Variants in PSD3 observed in about 807,000 individuals in gnomAD.
The protein encoded by PSD3 is PH and SEC7 domain-containing protein 3.
In PSD3, 49 loss-of-function variants were observed where a neutral mutation model predicts 105.5. That is an observed-to-expected ratio of 0.46 (90% CI 0.37 to 0.59). PSD3 has a LOEUF of 0.59. Among genes scored for constraint, PSD3 ranks in the 20% least tolerant of loss-of-function variants. The pLI, the probability that PSD3 is intolerant of heterozygous loss-of-function variation, is 0.00. For missense variants in PSD3, 1,561 were observed against 1,263.8 expected, an observed-to-expected ratio of 1.24 and a Z score of -3.57; for synonymous variants, 557 against 457.8, an observed-to-expected ratio of 1.22 and a Z score of -2.77.
intron 1 of PSD3, among the ~76,000 whole-genome samples, chr8:19,079,433 C>A (rs896096204): frequency 6.6e-6 from 1 of 152,122 alleles, no homozygotes; most frequent in African/African-American, 2.4e-5. Context: ...GTTCTAGTTT[C>A]TTTTATAAAA....
chr8:18,575,308 T>A (rs1446752414), intron 12 of PSD3, 23 bp from the exon 13 acceptor site: 2 of 1,525,930 alleles, frequency 1.3e-6, no homozygotes, highest in Admixed American at 2.2e-5. Flanking sequence ...ACAAAGAAAA[T>A]AAAGGCAAAA....
At chr8:18,661,309 C>T (rs1585537562) in intron 9 of PSD3, among the ~76,000 whole-genome samples, 1 of 152,144 alleles carries the variant, frequency 6.6e-6, no homozygotes, top group African/African-American at 2.4e-5. Context: ...TACCACAATT[C>T]TCTCTTTCAA....
In PSD3 at chr8:18,575,289, T is replaced by A. The variant is rs375957000; in HGVS notation, c.2482-4A>T. 3 of 1,561,990 alleles carry A rather than the reference T, an allele frequency of 1.9e-6. No homozygotes were observed. The South Asian group carries it at 3.7e-5, about 19-fold the overall frequency. On this transcript the variant is annotated splice_region_variant and splice_polypyrimidine_tract_variant and intron_variant, in intron 12 of 15. Transcript: ENST00000327040. The stretch of plus-strand genomic sequence containing the variant: ...CCTTTTCTGGCTTGTATTCATCCTA[T>A]AGATGGACACAAAGAAAATAAAGGC...
At chr8:18,960,238 A>AT (rs1162616847) in intron 1 of PSD3, among the ~76,000 whole-genome samples, 2 of 152,208 alleles carry the variant, frequency 1.3e-5, no homozygotes, top group Non-Finnish European at 2.9e-5. Flanking sequence ...ATTTTGAAAA[A>AT]TTATGAATGT....
At chr8:18,881,592 C>G (rs1371584715) in intron 2 of PSD3, among the ~76,000 whole-genome samples, 2 of 152,176 alleles carry the variant, frequency 1.3e-5, no homozygotes, top group African/African-American at 4.8e-5. Flanking sequence ...ATGCGGGATT[C>G]TCAGCAACAG....
intron 1 of PSD3, among the ~76,000 whole-genome samples, chr8:19,052,328 C>T (rs1323352684): frequency 6.6e-6 from 1 of 151,850 alleles, no homozygotes; most frequent in Non-Finnish European, 1.5e-5. Context: ...AAACATTAGC[C>T]AGGTGTGGTG....
intron 11 of PSD3, among the ~76,000 whole-genome samples, chr8:18,618,921 T>TG (rs1226123402): frequency 6.6e-6 from 1 of 152,134 alleles, no homozygotes; most frequent in Non-Finnish European, 1.5e-5. Context: ...CGCTTATCCA[T>TG]GACCTTTGTG....
chr8:18,896,545 C>T (rs951439857), intron 2 of PSD3, among the ~76,000 whole-genome samples: 1 of 152,138 alleles, frequency 6.6e-6, no homozygotes, highest in Non-Finnish European at 1.5e-5. Flanking sequence ...TCCCAAGTAG[C>T]AGGGACTACA....
At chr8:19,061,450 C>T (rs189740907) in intron 1 of PSD3, among the ~76,000 whole-genome samples, 5 of 152,104 alleles carry the variant, frequency 3.3e-5, no homozygotes, top group African/African-American at 9.6e-5. Context: ...GAATCAGGAG[C>T]GGACAGGTAT....
At chr8:18,924,632 G>A (rs1015801925) in intron 2 of PSD3, 5 of 152,186 alleles carry the variant, frequency 3.3e-5, no homozygotes, top group African/African-American at 1.2e-4. Flanking sequence ...GGGTCCTGCA[G>A]CCAGATGCAA....
intron 14 of PSD3, among the ~76,000 whole-genome samples, chr8:18,568,646 C>A (rs576978077): frequency 1.3e-5 from 2 of 152,130 alleles, no homozygotes; most frequent in Non-Finnish European, 2.9e-5. Flanking sequence ...TATCTCTCCT[C>A]TGGATTACTG....
intron 9 of PSD3, chr8:18,684,252 C>A (rs907978547): frequency 2.3e-4 from 41 of 176,778 alleles, no homozygotes; most frequent in African/African-American, 1.1e-3. Flanking sequence ...ACACACACAC[C>A]CCATCATATT....
chr8:18,774,743 G>C, intron 8 of PSD3: 1 of 370,186 alleles, frequency 2.7e-6, no homozygotes, highest in South Asian at 2.0e-5. Context: ...GGCTAATGAC[G>C]GTGAGAACAC....
At chr8:18,769,427 GTTAA>G (rs1198218491) in intron 8 of PSD3, among the ~76,000 whole-genome samples, 4 of 152,126 alleles carry the variant, frequency 2.6e-5, no homozygotes, top group Non-Finnish European at 5.9e-5. Flanking sequence ...AAAAAAGTGT[GTTAA>G]TTTTGTTACA....
intron 1 of PSD3, among the ~76,000 whole-genome samples, chr8:19,038,863 A>G (rs771187514): frequency 1.2e-4 from 18 of 152,196 alleles, no homozygotes; most frequent in Non-Finnish European, 2.4e-4. Flanking sequence ...ATTTCTCACA[A>G]CACCTTTCTG....
chr8:19,038,787 A>G (rs1828030158), intron 1 of PSD3, among the ~76,000 whole-genome samples: 1 of 152,160 alleles, frequency 6.6e-6, no homozygotes, highest in South Asian at 2.1e-4. Flanking sequence ...AATAATACCT[A>G]AATTTATTGA....
At chr8:18,808,948 A>G in intron 4 of PSD3, 1 of 1,442,772 alleles carries the variant, frequency 6.9e-7, no homozygotes, top group Non-Finnish European at 9.1e-7. Context: ...CCGAGTGTTC[A>G]TTGTTGCGGT....
At position 18,639,735 on chromosome 8, in the gene PSD3, T is replaced by A. The variant is rs557522611; in HGVS notation, c.2217-6929A>T. Among the ~76,000 whole-genome samples, 6 of 152,284 alleles carry A rather than the reference T, an allele frequency of 3.9e-5. No homozygotes were observed. The East Asian group carries it at 1.2e-3, about 29-fold the overall frequency. On this transcript the variant is annotated intron_variant, in intron 10 of 15. Coordinates refer to ENST00000327040, the MANE Select transcript of PSD3 (RefSeq NM_015310.4). ...ATCAAGAACCATGAGACAATAAATC[T>A]GGGTTTTTAAAGCCCATTTGTGGCA...
At chr8:18,984,225 C>G (rs1055065856) in intron 1 of PSD3, among the ~76,000 whole-genome samples, 69 of 124,822 alleles carry the variant, frequency 5.5e-4, no homozygotes, top group African/African-American at 1.8e-3. Flanking sequence ...ATAATATCTA[C>G]AAAGCACAAT....
Sources: allele counts gnomAD v4.1 joint callset (sites outside exome capture counted in the v4.1 genomes callset), GRCh38; gene constraint gnomAD v4.1.1; transcripts MANE v1.5; gene names NCBI Gene and HGNC (gene_info 2026-07-23, HGNC 2026-07-21).